FSTL5: variants seen among roughly 807,000 people sequenced by gnomAD.
FSTL5 encodes the protein follistatin-related protein 5.
Under a neutral mutation model 89.1 loss-of-function variants are expected in FSTL5, and 62 were observed. That is an observed-to-expected ratio of 0.70 (90% confidence interval 0.57 to 0.86). The LOEUF (loss-of-function observed/expected upper bound fraction) is 0.86. FSTL5 is among the 40% of genes least tolerant of loss of function. FSTL5 has a pLI of 0.00. For missense variants in FSTL5, 1,057 were observed against 1,001.6 expected, an observed-to-expected ratio of 1.06 and a Z score of -0.75; for synonymous variants, 383 against 346.2, an observed-to-expected ratio of 1.11 and a Z score of -1.18.
Position 161,854,945 on chromosome 4 carries a change from G to A in FSTL5, c.409+65459C>T, listed in dbSNP as rs1253071557. Among the ~76,000 whole-genome samples the A allele has an allele frequency of 3.5e-5, 5 of 141,028 alleles. No homozygotes were observed. The East Asian group carries it at 1.0e-3, about 29-fold the overall frequency. The allele number at this position is 141,028 out of a possible 152,430, so 92.5% of individuals were successfully genotyped here. A position where few individuals can be genotyped will look rare whatever the true frequency, so the allele number is the denominator to read the frequency against. Reference sequence around the variant, plus strand: ...TCATAATTAGTGTGTGTACAACAATGTTGGTTAAGTCAATCTTCACAATTC... The same window carrying A: ...TCATAATTAGTGTGTGTACAACAATATTGGTTAAGTCAATCTTCACAATTC... On this transcript the variant is annotated intron_variant, in intron 4 of 15. Transcript: ENST00000306100.
chr4:161,559,878 C>T (rs56027818), intron 8 of FSTL5, among the ~76,000 whole-genome samples: 71,786 of 151,482 alleles, frequency 0.47, 17,271 homozygotes, highest in Middle Eastern at 0.6. Flanking sequence ...TATGGTATAG[C>T]CAATATAGCT....
intron 11 of FSTL5, among the ~76,000 whole-genome samples, chr4:161,502,009 A>T (rs540716515): frequency 1.3e-5 from 2 of 152,048 alleles, no homozygotes; most frequent in Non-Finnish European, 2.9e-5. Context: ...TGTCTGTTAC[A>T]TACTATGTTT....
intron 9 of FSTL5, among the ~76,000 whole-genome samples, chr4:161,540,298 C>T (rs1731776254): frequency 6.6e-6 from 1 of 152,100 alleles, no homozygotes; most frequent in Non-Finnish European, 1.5e-5. Flanking sequence ...TTCAAAACTA[C>T]TTGCTATTCA....
intron 1 of FSTL5, among the ~76,000 whole-genome samples, chr4:162,120,860 A>G (rs1036796483): frequency 6.6e-6 from 1 of 152,046 alleles, no homozygotes; most frequent in Non-Finnish European, 1.5e-5. Flanking sequence ...TCTGTGAAGC[A>G]TAGTAAAATT....
intron 2 of FSTL5, among the ~76,000 whole-genome samples, chr4:162,072,239 T>A (rs17041899): frequency 0.43 from 65,386 of 151,640 alleles, 14,863 homozygotes; most frequent in Middle Eastern, 0.56. Flanking sequence ...AGTTCATAAT[T>A]TTCCTTCACA....
chr4:161,933,572 A>C (rs1486459550), intron 3 of FSTL5, among the ~76,000 whole-genome samples: 1 of 151,960 alleles, frequency 6.6e-6, no homozygotes, highest in Non-Finnish European at 1.5e-5. Flanking sequence ...AGAGAAAAAA[A>C]AGCTTCCTAA....
intron 6 of FSTL5, among the ~76,000 whole-genome samples, chr4:161,688,770 T>C (rs1737826939): frequency 6.6e-6 from 1 of 152,152 alleles, no homozygotes; most frequent in Non-Finnish European, 1.5e-5. Flanking sequence ...TTTCATTATG[T>C]TTTCTAATGT....
intron 10 of FSTL5, among the ~76,000 whole-genome samples, chr4:161,524,282 C>T (rs72685719): frequency 0.079 from 12,044 of 151,948 alleles, 680 homozygotes; most frequent in Middle Eastern, 0.14. Flanking sequence ...TTTGAATTGT[C>T]CTGCTTTTCT....
intron 4 of FSTL5, among the ~76,000 whole-genome samples, chr4:161,906,375 A>C (rs1428553699): frequency 6.6e-6 from 1 of 152,158 alleles, no homozygotes; most frequent in Non-Finnish European, 1.5e-5. Flanking sequence ...TGAAATAGCT[A>C]GAGGCTCGCT....
chr4:162,158,824 CTA>C (rs1452757469), intron 1 of FSTL5, among the ~76,000 whole-genome samples: 1 of 152,078 alleles, frequency 6.6e-6, no homozygotes, highest in African/African-American at 2.4e-5. Flanking sequence ...TGAATGGTAT[CTA>C]TGTCTATCTT....
At chr4:161,809,401 A>G (rs1342430547) in intron 4 of FSTL5, among the ~76,000 whole-genome samples, 1 of 152,222 alleles carries the variant, frequency 6.6e-6, no homozygotes, top group Non-Finnish European at 1.5e-5. Flanking sequence ...AAAATGATGA[A>G]GCTGCTATGG....
intron 4 of FSTL5, among the ~76,000 whole-genome samples, chr4:161,867,776 C>A (rs1427404713): frequency 6.6e-6 from 1 of 151,630 alleles, no homozygotes; most frequent in East Asian, 1.9e-4. Context: ...CTAAGATGGT[C>A]TTTCAGTCAT....
At chr4:161,542,963 A>G (rs969791831) in intron 8 of FSTL5, among the ~76,000 whole-genome samples, 66 of 151,954 alleles carry the variant, frequency 4.3e-4, no homozygotes, top group African/African-American at 1.6e-3. Flanking sequence ...AAGAATGATG[A>G]GGCATACCAA....
chr4:161,761,238 A>G (rs1027952676), intron 5 of FSTL5, among the ~76,000 whole-genome samples: 6 of 152,318 alleles, frequency 3.9e-5, no homozygotes, highest in African/African-American at 1.2e-4. Flanking sequence ...CGCTGAAGCC[A>G]TCTCTTCTAT....
chr4:161,955,659 T>C (rs536643319), intron 3 of FSTL5, among the ~76,000 whole-genome samples: 1 of 151,830 alleles, frequency 6.6e-6, no homozygotes, highest in African/African-American at 2.4e-5. Flanking sequence ...AGTAGTATGA[T>C]ACATGACTAG....
chr4:161,833,357 G>C (rs1730913850), intron 4 of FSTL5, among the ~76,000 whole-genome samples: 1 of 151,210 alleles, frequency 6.6e-6, no homozygotes, highest in African/African-American at 2.4e-5. Flanking sequence ...TGTATATTCT[G>C]TTGATTTGGG....
At chr4:162,098,620 G>T (rs1730862898) in intron 2 of FSTL5, among the ~76,000 whole-genome samples, 1 of 151,924 alleles carries the variant, frequency 6.6e-6, no homozygotes, top group South Asian at 2.1e-4. Flanking sequence ...ACTCAATATT[G>T]AAAGAAAAGA....
intron 6 of FSTL5, among the ~76,000 whole-genome samples, chr4:161,724,093 TA>T (rs1739311258): frequency 6.6e-6 from 1 of 151,966 alleles, no homozygotes; most frequent in African/African-American, 2.4e-5. Context: ...ATTAGTAGAT[TA>T]AAAACTGTAT....
At position 161,677,225 on chromosome 4, in the gene FSTL5, G is replaced by A. The variant is rs186479030; in HGVS notation, c.728-20731C>T. Among the ~76,000 whole-genome samples, 201 of 151,570 alleles carry A rather than the reference G, an allele frequency of 1.3e-3. 7 individuals carry two copies. In the South Asian group the frequency reaches 0.038, roughly 29 times the overall value. On this transcript the variant is annotated intron_variant, in intron 6 of 15. Transcript: ENST00000306100. ...TTTGGTCATTTATAGCATTTAATTT[G>A]CATATATTTCCAAATAAAGAAAGAA... is the stretch of plus-strand genomic sequence containing the variant.
Sources: allele counts gnomAD v4.1 joint callset (sites outside exome capture counted in the v4.1 genomes callset), GRCh38; gene constraint gnomAD v4.1.1; transcripts MANE v1.5; gene names NCBI Gene and HGNC (gene_info 2026-07-23, HGNC 2026-07-21).